Variants in FHL2 observed in about 807,000 individuals in gnomAD.
FHL2 encodes the protein four and a half LIM domains 2, also known as four and a half LIM domains protein 2.
FHL2 carries 20 observed loss-of-function variants against 32.7 expected under a neutral mutation model. The ratio of observed to expected loss-of-function variants is 0.61; its 90% CI spans 0.43 to 0.89. The LOEUF (loss-of-function observed/expected upper bound fraction) is 0.89, where lower values mean the gene tolerates loss of function less well. FHL2 is among the 40% of genes least tolerant of loss of function. The probability of loss-of-function intolerance (pLI) is 0.00; values close to 1 mark genes in which losing one functional copy is unlikely to be tolerated. For missense variants in FHL2, 311 were observed against 358.6 expected, an observed-to-expected ratio of 0.87 and a Z score of 1.07; for synonymous variants, 123 against 128.1, an observed-to-expected ratio of 0.96 and a Z score of 0.27.
intron 2 of FHL2, among the ~76,000 whole-genome samples, chr2:105,386,803 T>C (rs1375103652): frequency 2.7e-5 from 4 of 149,944 alleles, no homozygotes; most frequent in African/African-American, 4.9e-5. Context: ...CTTGTTCTTT[T>C]GCCCAGGCTG....
intron 1 of FHL2, among the ~76,000 whole-genome samples, chr2:105,416,352 T>A: frequency 6.6e-6 from 1 of 152,220 alleles, no homozygotes; most frequent in East Asian, 1.9e-4. Context: ...TGCTTCTGCA[T>A]TCGATCTGTG....
intron 5 of FHL2, among the ~76,000 whole-genome samples, chr2:105,365,425 G>A (rs1447160389): frequency 6.6e-6 from 1 of 152,338 alleles, no homozygotes; most frequent in East Asian, 1.9e-4. Flanking sequence ...CATCCCAGAA[G>A]GATGTGTTGC....
At chr2:105,390,072 C>CA (rs61299316) in intron 2 of FHL2, 37,710 of 149,322 alleles carry the variant, frequency 0.25, 4,816 homozygotes, top group Non-Finnish European at 0.28. Context: ...ACTAAAAATA[C>CA]AAAAAAAAAA....
At chr2:105,403,241 G>T (rs1159388856), upstream of FHL2, among the ~76,000 whole-genome samples, 3 of 152,202 alleles carry the variant, frequency 2.0e-5, no homozygotes, top group African/African-American at 4.8e-5. Flanking sequence ...ACCAGAAGAA[G>T]AATTAAGGTT....
upstream of FHL2, among the ~76,000 whole-genome samples, chr2:105,399,841 C>G (rs1191235654): frequency 1.3e-5 from 2 of 152,202 alleles, no homozygotes; most frequent in African/African-American, 4.8e-5. Context: ...GTAACCGGTC[C>G]ACTTGCAGAA....
intron 4 of FHL2, among the ~76,000 whole-genome samples, chr2:105,372,236 T>C (rs1681130443): frequency 6.6e-6 from 1 of 152,108 alleles, no homozygotes; most frequent in African/African-American, 2.4e-5. Flanking sequence ...TAACTTTCTT[T>C]TTTTTTTGAG....
Position 105,367,745 on chromosome 2 carries a change from A to G in FHL2, c.332-6T>C, listed in dbSNP as rs754744445. ...GTACTCCATCTTGCGGGTACCTGTC[A>G]TCAGGGTCAAGAGGAACACAGCAGA... On this transcript the variant is annotated splice_polypyrimidine_tract_variant and splice_region_variant and intron_variant, in intron 4 of 6. Transcript: ENST00000530340. The G allele has an allele frequency of 3.1e-6, 5 of 1,612,712 alleles. No individual in the cohort carries two copies. The highest frequency in any genetic ancestry group is 4.2e-6 in the Non-Finnish European group (5 of 1,179,244).
upstream of FHL2, among the ~76,000 whole-genome samples, chr2:105,401,064 C>CTTTTTTTTTTTT (rs10561053): frequency 8.0e-6 from 1 of 125,536 alleles, no homozygotes. Context: ...TTATTGGATT[C>CTTTTTTTTTTTT]TTTTTTTTTT....
intron 1 of FHL2, among the ~76,000 whole-genome samples, chr2:105,423,253 T>TTCTAAAA: frequency 6.6e-6 from 1 of 152,348 alleles, no homozygotes; most frequent in African/African-American, 2.4e-5. Flanking sequence ...TTTAGAATGA[T>TTCTAAAA]TGGAAATTAC....
intron 5 of FHL2, among the ~76,000 whole-genome samples, chr2:105,365,372 G>C (rs368289373): frequency 1.3e-5 from 2 of 152,200 alleles, no homozygotes; most frequent in Middle Eastern, 3.2e-3. Context: ...CTTCTGGCAT[G>C]AATGTTTTTG....
At chr2:105,373,386 A>T in intron 4 of FHL2, 173 bp downstream of exon 4, 1 of 670,950 alleles carries the variant, frequency 1.5e-6, no homozygotes, top group East Asian at 2.8e-5. Flanking sequence ...CCATGATAGA[A>T]CCTGTATGTC....
In FHL2 at chr2:105,363,450, T is replaced by G. The variant is rs200116659; in HGVS notation, c.523A>C (p.Thr175Pro). 196 of 1,610,804 alleles carry G rather than the reference T, an allele frequency of 1.2e-4. No individual in the cohort carries two copies. The highest frequency in any genetic ancestry group is 9.9e-4 in the Middle Eastern group (6 of 6,058). ...CKKPITTGGV[T>P]YREQPWHKEC... is the part of the protein sequence containing the mutation. ...TTGTGCCAGGGCTGCTCCCGGTAAG[T>G]GACCCCTCCCGTGGTGATGGGCTGC... The change falls in exon 6 of 7, where the codon ACT (threonine) becomes CCT (proline). Residue 175 changes from threonine (T) to proline (P), a missense_variant. Transcript: ENST00000530340.
intron 1 of FHL2, among the ~76,000 whole-genome samples, chr2:105,419,219 A>T (rs1558729960): frequency 6.6e-6 from 1 of 152,036 alleles, no homozygotes; most frequent in Non-Finnish European, 1.5e-5. Context: ...AAATTTTTTT[A>T]TTTTCATAGG....
At chr2:105,438,426 C>G in exon 1 of FHL2, 1 of 985,580 alleles carries the variant, frequency 1.0e-6, no homozygotes, top group Non-Finnish European at 1.2e-6. Flanking sequence ...TGTCTTCTGT[C>G]CTCCAGCCCG....
intron 1 of FHL2, among the ~76,000 whole-genome samples, chr2:105,423,251 G>A (rs1684158977): frequency 6.6e-6 from 1 of 152,200 alleles, no homozygotes; most frequent in Non-Finnish European, 1.5e-5. Context: ...CTTTTAGAAT[G>A]ATTGGAAATT....
chr2:105,399,335 G>C (rs1249014844), upstream of FHL2: 3 of 1,535,924 alleles, frequency 2.0e-6, no homozygotes, highest in Non-Finnish European at 2.6e-6. Context: ...GACGAGGCCT[G>C]GGCGCGGTGG....
At chr2:105,415,250 T>C (rs1353279377) in intron 1 of FHL2, among the ~76,000 whole-genome samples, 2 of 152,200 alleles carry the variant, frequency 1.3e-5, no homozygotes, top group African/African-American at 4.8e-5. Flanking sequence ...AAGAGGAAAG[T>C]GCAAGTCATT....
At chr2:105,372,981 A>C in intron 4 of FHL2, among the ~76,000 whole-genome samples, 1 of 152,220 alleles carries the variant, frequency 6.6e-6, no homozygotes, top group East Asian at 1.9e-4. Flanking sequence ...ACACAAAAAA[A>C]CCATGAGGGA....
chr2:105,418,431 C>CAA (rs57767173), intron 1 of FHL2, among the ~76,000 whole-genome samples: 2 of 148,138 alleles, frequency 1.4e-5, no homozygotes, highest in African/African-American at 5.0e-5. Flanking sequence ...ACAACATCAA[C>CAA]AAAAAAAAAA....
Sources: allele counts gnomAD v4.1 joint callset (sites outside exome capture counted in the v4.1 genomes callset), GRCh38; gene constraint gnomAD v4.1.1; transcripts MANE v1.5; gene names NCBI Gene and HGNC (gene_info 2026-07-23, HGNC 2026-07-21).